The following CUX1 variants were observed in gnomAD, a reference collection of about 807,000 sequenced individuals.
CUX1 encodes cut like homeobox 1, also known as protein CASP.
A neutral mutation model predicts 158.8 loss-of-function variants in CUX1; 31 were observed. The observed-to-expected ratio is 0.20, with a 90% CI of 0.15 to 0.26. The LOEUF (loss-of-function observed/expected upper bound fraction) is 0.26, where lower values mean the gene tolerates loss of function less well. Among genes scored for constraint, CUX1 ranks in the 10% least tolerant of loss-of-function variants. CUX1 has a pLI of 1.00. For synonymous variants in CUX1, 879 were observed against 862.1 expected (o/e 1.02, Z -0.34); for missense variants, 1,589 against 2,014.6 (o/e 0.79, Z 4.04).
chr7:101,980,540 G>A (rs1254336581), intron 2 of CUX1, among the ~76,000 whole-genome samples: 2 of 152,154 alleles, frequency 1.3e-5, no homozygotes, highest in African/African-American at 4.8e-5. Context: ...TCATTTTGAA[G>A]AATCTGACCA....
At chr7:102,270,748 G>A (rs1554546077) in intron 14 of CUX1, among the ~76,000 whole-genome samples, 1 of 152,230 alleles carries the variant, frequency 6.6e-6, no homozygotes, top group Non-Finnish European at 1.5e-5. Context: ...CAGGCCTCCA[G>A]GCCAGCTTAA....
chr7:102,051,248 C>T (rs966221717), intron 3 of CUX1, among the ~76,000 whole-genome samples: 11 of 152,130 alleles, frequency 7.2e-5, no homozygotes, highest in African/African-American at 2.7e-4. Flanking sequence ...CCTTCTGCCT[C>T]CCACCACGAA....
rs781820804 is a variant in CUX1, at chr7:102,252,940, A to G, written c.*3898A>G. The G allele has an allele frequency of 2.0e-6, 2 of 985,464 alleles. No homozygotes were observed. The highest frequency in any genetic ancestry group is 2.4e-6 in the Non-Finnish European group (2 of 829,946). The allele number at this position is 985,464 out of a possible 1,614,324, so 61.0% of individuals were successfully genotyped here. On this transcript the variant is annotated 3_prime_UTR_variant, in exon 24 of 24. Coordinates refer to ENST00000292535, the MANE Select transcript of CUX1 (RefSeq NM_181552.4). ...TGGGACAGGATTGGGGTGACAGCCC[A>G]GGGATGCATGCATGGGAGAACTCTC... is the stretch of plus-strand genomic sequence containing the variant.
chr7:102,273,600 C>A, intron 15 of CUX1: 2 of 1,409,608 alleles, frequency 1.4e-6, no homozygotes, highest in Non-Finnish European at 1.9e-6. Context: ...CAGCTGGTGA[C>A]AACCCAGAAG....
chr7:102,124,521 ATT>A (rs782255872), intron 8 of CUX1, among the ~76,000 whole-genome samples: 1 of 152,196 alleles, frequency 6.6e-6, no homozygotes, highest in Non-Finnish European at 1.5e-5. Context: ...AAATCCTGCC[ATT>A]TGCAACAACA....
rs1397802715 is a variant in CUX1, at chr7:102,239,525, C to T, written c.3828C>T (p.Asp1276=). The part of the protein sequence containing the change: ...KPYPSPKTIE[D]LATQLNLKTS... ...ACCCGTCACCAAAAACCATCGAAGA[C>T]CTCGCCACCCAGCTCAACCTGAAAA... Residue 1276 remains aspartate (D), a synonymous_variant, in exon 23 of 24, where the codon GAC becomes GAT. Coordinates refer to ENST00000292535, the MANE Select transcript of CUX1 (RefSeq NM_181552.4). 2 of 1,614,026 alleles carry T rather than the reference C, an allele frequency of 1.2e-6. No homozygotes were observed. The highest frequency in any genetic ancestry group is 2.7e-5 in the African/African-American group (2 of 74,938).
intron 2 of CUX1, among the ~76,000 whole-genome samples, chr7:101,942,501 C>T (rs1460206062): frequency 6.6e-6 from 1 of 152,164 alleles, no homozygotes; most frequent in Non-Finnish European, 1.5e-5. Context: ...CTTTCTCTGT[C>T]GCCCAGGCTG....
intron 8 of CUX1, among the ~76,000 whole-genome samples, chr7:102,132,292 A>AGAGT (rs1833347812): frequency 9.7e-6 from 1 of 103,348 alleles, no homozygotes; most frequent in Non-Finnish European, 1.9e-5. Context: ...TGAGAGAGAG[A>AGAGT]GTGTGTGTGT....
chr7:102,071,059 G>A (rs554573867), intron 4 of CUX1, among the ~76,000 whole-genome samples: 3 of 151,868 alleles, frequency 2.0e-5, no homozygotes, highest in South Asian at 2.1e-4. Flanking sequence ...GGGCTCAAGC[G>A]ATCCTCCCAC....
chr7:102,125,695 CAAA>C (rs1227248717), intron 8 of CUX1: 11 of 57,564 alleles, frequency 1.9e-4, no homozygotes, highest in East Asian at 5.5e-4. Context: ...AACTCCATCT[CAAA>C]AAAAAAAAAA....
intron 1 of CUX1, among the ~76,000 whole-genome samples, chr7:101,903,918 T>A (rs1345875018): frequency 6.6e-6 from 1 of 152,162 alleles, no homozygotes; most frequent in African/African-American, 2.4e-5. Context: ...TTTGTACGCG[T>A]AGCTTTTATA....
Position 102,253,834 on chromosome 7 carries a change from T to G in CUX1, c.*4792T>G. 1 of 985,696 alleles carries G rather than the reference T, an allele frequency of 1.0e-6. No individual in the cohort carries two copies. Among genetic ancestry groups the G allele is most frequent in the Non-Finnish European group, 1.2e-6 (1 of 830,168 alleles). 61.1% of individuals were successfully genotyped at this position (985,696 alleles called of 1,614,324 possible). Reference sequence around the variant, plus strand: ...GGGCGTGCTGGGCTATTTGCTGTGGTACTTTAGGCTGGAGGTTTGGCTCCT... The same window carrying G: ...GGGCGTGCTGGGCTATTTGCTGTGGGACTTTAGGCTGGAGGTTTGGCTCCT... On this transcript the variant is annotated 3_prime_UTR_variant, in exon 24 of 24. Coordinates refer to ENST00000292535, the MANE Select transcript of CUX1 (RefSeq NM_181552.4).
intron 2 of CUX1, among the ~76,000 whole-genome samples, chr7:101,968,586 C>T (rs1811527958): frequency 6.6e-6 from 1 of 151,994 alleles, no homozygotes; most frequent in African/African-American, 2.4e-5. Context: ...CCGTGCCTGG[C>T]TAATTTTTGT....
chr7:102,239,242 G>A lies in CUX1; in HGVS notation c.3623-78G>A, dbSNP rs1445061968. ...AAGTCCTGCAAGCCGGCACTGTGCC[G>A]TCCCGCTAGCGGGACTGGGGATTTG... On this transcript the variant is annotated intron_variant, in intron 22 of 23. Transcript: ENST00000292535. 5.3e-6 allele frequency: 8 copies of A among 1,497,876 alleles called. No individual in the cohort carries two copies. In the Admixed American group the frequency reaches 6.3e-5, roughly 12 times the overall value. 92.8% of individuals were successfully genotyped at this position (1,497,876 alleles called of 1,614,324 possible).
intron 1 of CUX1, among the ~76,000 whole-genome samples, chr7:101,853,584 G>GGT (rs59324904): frequency 0.055 from 7,794 of 140,774 alleles, 248 homozygotes; most frequent in African/African-American, 0.078. Flanking sequence ...CAATAGAAAG[G>GGT]GTGTGTGTGT....
intron 12 of CUX1, among the ~76,000 whole-genome samples, chr7:102,190,497 A>G (rs2131902945): frequency 6.6e-6 from 1 of 152,240 alleles, no homozygotes; most frequent in East Asian, 1.9e-4. Context: ...ATAATGCTCC[A>G]GGCTCACTGA....
intron 4 of CUX1, among the ~76,000 whole-genome samples, chr7:102,093,843 C>T (rs960689903): frequency 1.3e-5 from 2 of 152,092 alleles, no homozygotes; most frequent in African/African-American, 2.4e-5. Flanking sequence ...CGTGTTGAAT[C>T]GGAGGAGGAG....
At chr7:102,155,684 G>A (rs1789676643) in intron 8 of CUX1, among the ~76,000 whole-genome samples, 1 of 152,138 alleles carries the variant, frequency 6.6e-6, no homozygotes, top group Admixed American at 6.5e-5. Context: ...TGCATTGACT[G>A]GTGATTATCC....
At chr7:101,992,628 G>A (rs1815288546) in intron 2 of CUX1, among the ~76,000 whole-genome samples, 1 of 152,180 alleles carries the variant, frequency 6.6e-6, no homozygotes, top group African/African-American at 2.4e-5. Flanking sequence ...GGGTGATACT[G>A]ATTTAGATCT....
Sources: allele counts gnomAD v4.1 joint callset (sites outside exome capture counted in the v4.1 genomes callset), GRCh38; gene constraint gnomAD v4.1.1; transcripts MANE v1.5; gene names NCBI Gene and HGNC (gene_info 2026-07-23, HGNC 2026-07-21).